KIF1C: variants seen among roughly 807,000 people sequenced by gnomAD.
The protein encoded by KIF1C is kinesin family member 1C, also known as kinesin-like protein KIF1C.
Under a neutral mutation model 126.5 loss-of-function variants are expected in KIF1C, and 61 were observed. That is an observed-to-expected ratio of 0.48 (90% CI 0.39 to 0.60). The LOEUF is 0.60. KIF1C is among the 20% of genes least tolerant of loss of function. The probability of loss-of-function intolerance (pLI) is 0.00; values close to 1 mark genes in which losing one functional copy is unlikely to be tolerated. For synonymous variants in KIF1C, 640 were observed against 580.6 expected (o/e 1.10, Z -1.47); for missense variants, 1,315 against 1,489.2 (o/e 0.88, Z 1.93).
rs371666847 is a variant in KIF1C at position 5,010,471 on chromosome 17, G to A, written c.1491+2929G>A. Among the ~76,000 whole-genome samples, 21 of 152,140 alleles carry A rather than the reference G, an allele frequency of 1.4e-4. No individual in the cohort carries two copies. The East Asian group carries it at 2.5e-3, about 18-fold the overall frequency. Reference sequence around the variant, plus strand: ...GCCATGTAAAATTTTAATCTAGGCCGGGTGCGGTGGCTCACGCCTGTAATC... The same window carrying A: ...GCCATGTAAAATTTTAATCTAGGCCAGGTGCGGTGGCTCACGCCTGTAATC... On this transcript the variant is annotated intron_variant, in intron 16 of 22. Coordinates refer to ENST00000320785, the MANE Select transcript of KIF1C (RefSeq NM_006612.6).
chr17:5,014,608 T>C (rs1974933266), intron 17 of KIF1C, 135 bp from the exon 18 acceptor site: 1 of 685,320 alleles, frequency 1.5e-6, no homozygotes, highest in African/African-American at 1.8e-5. Context: ...CCATTTCACC[T>C]CCCTGAGCCT....
At chr17:5,017,173 T>C (rs1974988539) in intron 18 of KIF1C, among the ~76,000 whole-genome samples, 1 of 151,872 alleles carries the variant, frequency 6.6e-6, no homozygotes, top group South Asian at 2.1e-4. Context: ...GGCAAGGAGC[T>C]ACAGTGCGGA....
At chr17:5,021,850 G>A (rs966789012) in intron 21 of KIF1C, among the ~76,000 whole-genome samples, 3 of 152,042 alleles carry the variant, frequency 2.0e-5, no homozygotes, top group Non-Finnish European at 4.4e-5. Flanking sequence ...TAACTTTCTC[G>A]GTGCCGGCCA....
chr17:5,022,836 T>G lies in KIF1C; in HGVS notation c.2628+127T>G. The G allele has an allele frequency of 7.8e-7, 1 of 1,284,856 alleles. No individual in the cohort carries two copies. Among genetic ancestry groups the G allele is most frequent in the South Asian group, 2.2e-5 (1 of 45,306 alleles). 79.6% of individuals were successfully genotyped at this position (1,284,856 alleles called of 1,614,324 possible). A position where few individuals can be genotyped will look rare whatever the true frequency, so the allele number is the denominator to read the frequency against. On this transcript the variant is annotated intron_variant, in intron 22 of 22. Coordinates refer to ENST00000320785, the MANE Select transcript of KIF1C (RefSeq NM_006612.6). This position sits in a 1 kb window ranked among gnomAD's most constrained non-coding sequence, Gnocchi z 4.9. Reference sequence around the variant, plus strand: ...AATTGCATTGAAGTATAGTACGTTTTTTTCAATATTGTTTACGAACCACAT... The same window carrying G: ...AATTGCATTGAAGTATAGTACGTTTGTTTCAATATTGTTTACGAACCACAT...
chr17:5,013,050 A>G lies in KIF1C; in HGVS notation c.1492-603A>G, dbSNP rs184937434. The stretch of plus-strand genomic sequence containing the variant: ...AGGGGTAGTCACTGGGGAAGAGTCA[A>G]TGAGTCTGCTTCGAGAAACATGTTT... On this transcript the variant is annotated intron_variant, in intron 16 of 22. Coordinates refer to ENST00000320785, the MANE Select transcript of KIF1C (RefSeq NM_006612.6). Among the ~76,000 whole-genome samples, 147 of 152,290 alleles carry G rather than the reference A, an allele frequency of 9.7e-4. 1 individual carries two copies. Among genetic ancestry groups the G allele is most frequent in the African/African-American group, 3.3e-3 (136 of 41,552 alleles).
Position 5,023,780 on chromosome 17 carries a change from T to C in KIF1C, c.2941T>C (p.Phe981Leu). The C allele has an allele frequency of 1.3e-6, 2 of 1,520,996 alleles. No homozygotes were observed. The highest frequency in any genetic ancestry group is 1.8e-6 in the Non-Finnish European group (2 of 1,137,346). 94.2% of individuals were successfully genotyped at this position (1,520,996 alleles called of 1,614,324 possible). Reference protein sequence around the residue: ...PPHDCKLRFPFKSNPQHRESW... With the variant: ...PPHDCKLRFPLKSNPQHRESW... ...TCACGACTGCAAGCTACGCTTCCCC[T>C]TCAAGAGCAACCCCCAGCACCGGGA... is the stretch of plus-strand genomic sequence containing the variant. The change falls in exon 23 of 23, where the codon TTC (phenylalanine) becomes CTC (leucine). Residue 981 changes from phenylalanine to leucine, a missense_variant. Phe to Leu is a conservative substitution (Grantham distance 22). Around this residue, in one of 2 missense-constraint regions of KIF1C, gnomAD observed 441 missense variants for 436.1 expected, o/e 1.01. Transcript: ENST00000320785. This position sits in a 1 kb window ranked among gnomAD's most constrained non-coding sequence, Gnocchi z 4.2.
rs759886036 is a variant in KIF1C, at chr17:5,023,834, G to C, written c.2995G>C (p.Ala999Pro). Reference sequence around the variant, plus strand: ...TTGGCCAGGGATGGGGAGCGGGGAGGCTCCAACTCCGCTCCAACCCCCTGA... The same window carrying C: ...TTGGCCAGGGATGGGGAGCGGGGAGCCTCCAACTCCGCTCCAACCCCCTGA... ...ESWPGMGSGE[A>P]PTPLQPPEEV... The change falls in exon 23 of 23, where the codon GCT (alanine) becomes CCT (proline). Residue 999 changes from alanine to proline, a missense_variant. By Grantham distance (27) the Ala-to-Pro change is conservative. Transcript: ENST00000320785. This position sits in a 1 kb window ranked among gnomAD's most constrained non-coding sequence, Gnocchi z 4.2. The C allele has an allele frequency of 1.5e-5, 23 of 1,517,568 alleles. No homozygotes were observed. The highest frequency in any genetic ancestry group is 1.9e-5 in the Non-Finnish European group (22 of 1,133,942). The allele number at this position is 1,517,568 out of a possible 1,614,324, so 94.0% of individuals were successfully genotyped here.
At chr17:4,999,520 T>G (rs1328439863) in intron 1 of KIF1C, among the ~76,000 whole-genome samples, 3 of 152,036 alleles carry the variant, frequency 2.0e-5, no homozygotes, top group African/African-American at 7.3e-5. Flanking sequence ...TTCTCTAATT[T>G]TCTTGGTGTC....
intron 13 of KIF1C, among the ~76,000 whole-genome samples, chr17:5,006,246 G>A (rs937339822): frequency 2.0e-5 from 3 of 151,950 alleles, no homozygotes; most frequent in African/African-American, 7.2e-5. Flanking sequence ...GACTGGCCAG[G>A]CTGGTCTTGA....
chr17:5,002,245 A>G, intron 6 of KIF1C, 121 bp downstream of exon 6: 3 of 1,052,070 alleles, frequency 2.9e-6, no homozygotes, highest in East Asian at 4.8e-5. Context: ...ACTTTGGGGC[A>G]GTGATTCTGT....
At chr17:4,999,403 C>T (rs774868333) in intron 1 of KIF1C, among the ~76,000 whole-genome samples, 1 of 152,172 alleles carries the variant, frequency 6.6e-6, no homozygotes, top group Non-Finnish European at 1.5e-5. Context: ...CCGGAGTTCC[C>T]CACCCTGTCT....
At chr17:5,012,296 A>G (rs1387179121) in intron 16 of KIF1C, among the ~76,000 whole-genome samples, 2 of 152,014 alleles carry the variant, frequency 1.3e-5, no homozygotes, top group Non-Finnish European at 2.9e-5. Context: ...GGCTTAGGAA[A>G]ACTTCCCGGA....
At position 5,002,851 on chromosome 17, in the gene KIF1C, G is replaced by GCC. The variant is rs10533622; in HGVS notation, c.720+19_720+20dup. 3.3e-4 allele frequency: 476 copies of GCC among 1,421,476 alleles called. No individual in the cohort carries two copies. Among genetic ancestry groups the GCC allele is most frequent in the South Asian group, 1.9e-3 (153 of 81,724 alleles). The allele number at this position is 1,421,476 out of a possible 1,614,324, so 88.1% of individuals were successfully genotyped here. A position where few individuals can be genotyped will look rare whatever the true frequency, so the allele number is the denominator to read the frequency against. On this transcript the variant is annotated intron_variant, in intron 8 of 22. Coordinates refer to ENST00000320785, the MANE Select transcript of KIF1C (RefSeq NM_006612.6). ...GGCTGGACTCGGAGAAGGTGGGATCGCCCCCCCCCCCACTCCCCCACCGGA... is the reference window on the plus strand; with the variant it reads ...GGCTGGACTCGGAGAAGGTGGGATCGCCCCCCCCCCCCCACTCCCCCACCGGA...
intron 11 of KIF1C, 44 bp from the exon 12 acceptor site, chr17:5,004,523 A>G (rs1974679710): frequency 1.4e-5 from 22 of 1,584,472 alleles, no homozygotes; most frequent in Non-Finnish European, 1.9e-5. Flanking sequence ...GACTTTGCTT[A>G]GCCCCTCCCT....
rs774141571 is a variant in KIF1C, at chr17:5,022,052, G to A, written c.2011-40G>A. On this transcript the variant is annotated intron_variant, in intron 21 of 22. Transcript: ENST00000320785. This position sits in a 1 kb window ranked among gnomAD's most constrained non-coding sequence, Gnocchi z 4.9. The stretch of plus-strand genomic sequence containing the variant: ...GGGCCAAGACACATGGGCTCTGGAT[G>A]TCCTTAGCCCTCTCTTCCTCTTTCT... 1.3e-6 allele frequency: 2 copies of A among 1,549,130 alleles called. No individual in the cohort carries two copies. The highest frequency in any genetic ancestry group is 1.4e-5 in the African/African-American group (1 of 73,616).
intron 1 of KIF1C, among the ~76,000 whole-genome samples, chr17:4,999,258 G>C (rs1486688394): frequency 6.6e-6 from 1 of 152,220 alleles, no homozygotes; most frequent in Non-Finnish European, 1.5e-5. Flanking sequence ...TACTGGCCTG[G>C]TGCATGGAGG....
At chr17:5,006,470 A>G (rs1406864528) in intron 13 of KIF1C, among the ~76,000 whole-genome samples, 1 of 151,478 alleles carries the variant, frequency 6.6e-6, no homozygotes. Context: ...CCAAGTAGCT[A>G]GGATTACAGG....
chr17:5,004,559 A>C lies in KIF1C; in HGVS notation c.941-8A>C, dbSNP rs201596851. On this transcript the variant is annotated splice_region_variant and splice_polypyrimidine_tract_variant and intron_variant, in intron 11 of 22. Transcript: ENST00000320785. ...CAGCTGAAGCTTTTCCATGCACTCCATTCACAGGGGGGAACTCACGCACAG... is the reference window on the plus strand; with the variant it reads ...CAGCTGAAGCTTTTCCATGCACTCCCTTCACAGGGGGGAACTCACGCACAG... 6.2e-7 allele frequency: 1 copy of C among 1,613,970 alleles called. No homozygotes were observed. The highest frequency in any genetic ancestry group is 1.7e-5 in the Admixed American group (1 of 60,010).
intron 1 of KIF1C, chr17:4,999,023 G>A (rs1974487830): frequency 1.3e-5 from 2 of 152,272 alleles, no homozygotes; most frequent in South Asian, 4.1e-4. Context: ...GGAGGCCCCA[G>A]GGACCCTCTA....
Sources: gnomAD v4.1 joint callset for allele counts (sites outside exome capture counted in the v4.1 genomes callset) on GRCh38, gnomAD v4.1.1 for gene constraint, gnomAD v4.1.1 regional missense constraint, Gnocchi (gnomAD v3.1) non-coding constraint, MANE v1.5 for transcripts, NCBI Gene and HGNC (gene_info 2026-07-23, HGNC 2026-07-21) for gene names.